EPG5: variants seen among roughly 807,000 people sequenced by gnomAD.
EPG5 encodes ectopic P-granules 5 autophagy tethering factor.
A neutral mutation model predicts 302.7 loss-of-function variants in EPG5; 159 were observed. That is an observed-to-expected ratio of 0.53 (90% CI 0.46 to 0.60). The LOEUF (loss-of-function observed/expected upper bound fraction) is 0.60. EPG5 is among the 20% of genes least tolerant of loss of function. The probability of loss-of-function intolerance (pLI) is 0.00; values close to 1 mark genes in which losing one functional copy is unlikely to be tolerated. For synonymous variants in EPG5, 1,158 were observed against 1,136.8 expected (o/e 1.02, Z -0.37); for missense variants, 2,896 against 3,092.4 (o/e 0.94, Z 1.51).
intron 22 of EPG5, among the ~76,000 whole-genome samples, chr18:45,911,407 T>A (rs1219100369): frequency 6.6e-6 from 1 of 151,140 alleles, no homozygotes; most frequent in African/African-American, 2.4e-5. Flanking sequence ...TGCCTCAGCC[T>A]CCTAAGTAGC....
In EPG5 at chr18:45,880,158, C is replaced by A. The variant is rs34977955; in HGVS notation, c.5584G>T (p.Ala1862Ser). The A allele has an allele frequency of 5.1e-5, 82 of 1,611,340 alleles. No homozygotes were observed. In the African/African-American group the frequency reaches 1.0e-3, roughly 20 times the overall value. ...GCTGCCCCCTGCTGGCAGCTGGGGGCGCAGCAGCCCAGGGCTCTCAGAGTG... is the reference window on the plus strand; with the variant it reads ...GCTGCCCCCTGCTGGCAGCTGGGGGAGCAGCAGCCCAGGGCTCTCAGAGTG... ...KATLRALGCCAPSCQQGAAST... is the reference protein window; with the variant it reads ...KATLRALGCCSPSCQQGAAST... Residue 1862 changes from alanine to serine, a missense_variant, in exon 32 of 44, where the codon GCC becomes TCC. By Grantham distance (99) the Ala-to-Ser change is moderately conservative (BLOSUM62 1). Around this residue, in one of 5 missense-constraint regions of EPG5, gnomAD observed 790 missense variants for 798.0 expected, o/e 0.99. Coordinates refer to ENST00000282041, the MANE Select transcript of EPG5 (RefSeq NM_020964.3).
At chr18:45,903,908 C>G (rs2049684044) in intron 25 of EPG5, 65 bp downstream of exon 25, 1 of 1,490,146 alleles carries the variant, frequency 6.7e-7, no homozygotes, top group Admixed American at 2.6e-5. Flanking sequence ...CAGCCTCAAC[C>G]CTCAATGGCT....
chr18:45,841,628 GCA>G, the EPG5 span, among the ~76,000 whole-genome samples: 1 of 152,214 alleles, frequency 6.6e-6, no homozygotes. Context: ...CCAGTGGGCA[GCA>G]CACAGTGTGA....
At chr18:45,803,734 C>CA in the EPG5 span, among the ~76,000 whole-genome samples, 1 of 152,012 alleles carries the variant, frequency 6.6e-6, no homozygotes, top group Non-Finnish European at 1.5e-5. Flanking sequence ...GGTGAAAGAA[C>CA]AAAAAGCAGA....
intron 2 of EPG5, chr18:45,953,909 C>A: frequency 1.0e-6 from 1 of 985,296 alleles, no homozygotes; most frequent in Non-Finnish European, 1.2e-6. Flanking sequence ...TTGACACTCT[C>A]TTCCCATTGG....
intron 8 of EPG5, 34 bp from the exon 9 acceptor site, chr18:45,943,345 A>G: frequency 1.3e-6 from 2 of 1,581,182 alleles, no homozygotes; most frequent in Middle Eastern, 1.7e-4. Flanking sequence ...AAAAAATCAT[A>G]GTTACTATGA....
the EPG5 span, among the ~76,000 whole-genome samples, chr18:45,823,360 G>C: frequency 6.6e-6 from 1 of 152,156 alleles, no homozygotes; most frequent in Non-Finnish European, 1.5e-5. Context: ...ACAGTGTGGA[G>C]GTAGTATTGG....
chr18:45,964,588 T>C (rs990637324), intron 1 of EPG5, among the ~76,000 whole-genome samples: 2 of 152,200 alleles, frequency 1.3e-5, no homozygotes, highest in Admixed American at 6.5e-5. Context: ...AGGGATCTTA[T>C]GCATAGCTGG....
At position 45,865,765 on chromosome 18, in the gene EPG5, CAAAAAA is replaced by C. The variant is rs11333207; in HGVS notation, c.6622-12_6622-7del. On this transcript the variant is annotated splice_region_variant and splice_polypyrimidine_tract_variant and intron_variant, in intron 38 of 43. Coordinates refer to ENST00000282041, the MANE Select transcript of EPG5 (RefSeq NM_020964.3). ...TGGCATTTTGGAACTGCATCCTGAC[CAAAAAA>C]AAAAAAAAAAATCATTCAAATGAAT... is the stretch of plus-strand genomic sequence containing the variant. 7.1e-7 allele frequency: 1 copy of C among 1,410,144 alleles called. No homozygotes were observed. Among genetic ancestry groups the C allele is most frequent in the Non-Finnish European group, 9.3e-7 (1 of 1,074,398 alleles). 87.4% of individuals were successfully genotyped at this position (1,410,144 alleles called of 1,614,324 possible). A position where few individuals can be genotyped will look rare whatever the true frequency, so the allele number is the denominator to read the frequency against.
chr18:45,930,945 GTTCCAAAA>G (rs2050384570), intron 11 of EPG5, 115 bp from the exon 12 acceptor site: 6 of 1,025,588 alleles, frequency 5.9e-6, no homozygotes, highest in Non-Finnish European at 8.1e-6. Context: ...GTCTTTCTTT[GTTCCAAAA>G]TAGATTTCTA....
In EPG5 at chr18:45,912,460, C is replaced by T; in HGVS notation, c.3817-4G>A. ...GCTTCAGCTGGGTCTGGGCTTTCTA[C>T]AAAAAAGAAAGGGCTTTGAGTAGCC... On this transcript the variant is annotated splice_region_variant and splice_polypyrimidine_tract_variant and intron_variant, in intron 21 of 43. Coordinates refer to ENST00000282041, the MANE Select transcript of EPG5 (RefSeq NM_020964.3). 1 of 1,583,222 alleles carries T rather than the reference C, an allele frequency of 6.3e-7. No individual in the cohort carries two copies. Among genetic ancestry groups the T allele is most frequent in the Non-Finnish European group, 8.5e-7 (1 of 1,170,218 alleles).
the EPG5 span, among the ~76,000 whole-genome samples, chr18:45,804,617 C>T: frequency 1.3e-5 from 2 of 152,084 alleles, no homozygotes; most frequent in Admixed American, 1.3e-4. Flanking sequence ...CCAACATTCT[C>T]AAAGCACTAA....
chr18:45,909,944 C>T (rs2145660153), intron 23 of EPG5, among the ~76,000 whole-genome samples: 1 of 152,284 alleles, frequency 6.6e-6, no homozygotes, highest in Non-Finnish European at 1.5e-5. Context: ...GCATTCCAGC[C>T]TGGGCAACAT....
intron 20 of EPG5, 147 bp from the exon 21 acceptor site, chr18:45,913,975 C>G (rs1340777141): frequency 1.1e-6 from 1 of 878,594 alleles, no homozygotes; most frequent in Non-Finnish European, 1.7e-6. Context: ...CCTTTTTATA[C>G]CTACCTATAT....
chr18:45,831,680 T>C, the EPG5 span, among the ~76,000 whole-genome samples: 130 of 152,144 alleles, frequency 8.5e-4, no homozygotes, highest in African/African-American at 3.1e-3. Context: ...TGGGCAATTA[T>C]ACTTCAGCTG....
Position 45,870,583 on chromosome 18 carries a change from A to G in EPG5, c.6209T>C (p.Met2070Thr). ...WKDLHPDQML[M>T]EAFFKVERGS... Reference sequence around the variant, plus strand: ...AGGGCTTACTTTGAAGAAGGCCTCCATGAGCATCTGGTCAGGGTGCAGGTC... The same window carrying G: ...AGGGCTTACTTTGAAGAAGGCCTCCGTGAGCATCTGGTCAGGGTGCAGGTC... Residue 2070 changes from methionine to threonine, a missense_variant, in exon 36 of 44, where the codon ATG becomes ACG. By Grantham distance (81) the Met-to-Thr change is moderately conservative. This residue lies in a region of EPG5 where 620 missense variants were observed against 704.2 expected (regional missense o/e 0.88). Coordinates refer to ENST00000282041, the MANE Select transcript of EPG5 (RefSeq NM_020964.3). 6.2e-7 allele frequency: 1 copy of G among 1,613,482 alleles called. No individual in the cohort carries two copies. The highest frequency in any genetic ancestry group is 8.5e-7 in the Non-Finnish European group (1 of 1,179,478).
At chr18:45,920,046 C>T (rs958337570) in intron 16 of EPG5, among the ~76,000 whole-genome samples, 4 of 152,176 alleles carry the variant, frequency 2.6e-5, no homozygotes, top group African/African-American at 9.7e-5. Flanking sequence ...AACCAAACAC[C>T]TGATCACCTC....
intron 13 of EPG5, 99 bp from the exon 14 acceptor site, chr18:45,926,001 C>T (rs2050260287): frequency 1.3e-6 from 1 of 760,888 alleles, no homozygotes; most frequent in South Asian, 6.6e-5. Flanking sequence ...AAAAATTTCT[C>T]CAAAAGGAAC....
chr18:45,939,801 T>A (rs1346962265), intron 9 of EPG5, 46 bp from the exon 10 acceptor site: 14 of 1,538,572 alleles, frequency 9.1e-6, no homozygotes, highest in Non-Finnish European at 1.2e-5. Flanking sequence ...TAGCTCAATA[T>A]CTGCACCTTT....
Sources: gnomAD v4.1 joint callset for allele counts (sites outside exome capture counted in the v4.1 genomes callset) on GRCh38, gnomAD v4.1.1 for gene constraint, gnomAD v4.1.1 regional missense constraint, MANE v1.5 for transcripts, NCBI Gene and HGNC (gene_info 2026-07-23, HGNC 2026-07-21) for gene names.